CRMP1: variants seen among roughly 807,000 people sequenced by gnomAD.
CRMP1 encodes dihydropyrimidinase-related protein 1.
In CRMP1, 19 loss-of-function variants were observed where a neutral mutation model predicts 68.3. That is an observed-to-expected ratio of 0.28 (90% confidence interval 0.19 to 0.41). CRMP1 has a LOEUF of 0.41. Among genes scored for constraint, CRMP1 ranks in the 10% least tolerant of loss-of-function variants. The pLI is 1.00. For synonymous variants in CRMP1, 439 were observed against 399.6 expected, an observed-to-expected ratio of 1.10 and a Z score of -1.18; for missense variants, 791 against 967.4, an observed-to-expected ratio of 0.82 and a Z score of 2.42.
chr4:5,846,148 T>C (rs191968067), intron 6 of CRMP1, among the ~76,000 whole-genome samples: 5 of 151,994 alleles, frequency 3.3e-5, no homozygotes, highest in African/African-American at 1.2e-4. Context: ...ATACAAAAAT[T>C]AGCTAGGCGT....
At position 5,821,937 on chromosome 4, in the gene CRMP1, A is replaced by ACCCCAC; in HGVS notation, c.1970-87_1970-86insGTGGGG. 9.8e-7 allele frequency: 1 copy of ACCCCAC among 1,016,422 alleles called. No homozygotes were observed. The highest frequency in any genetic ancestry group is 1.7e-5 in the South Asian group (1 of 59,964). 63.0% of individuals were successfully genotyped at this position (1,016,422 alleles called of 1,614,324 possible). A position where few individuals can be genotyped will look rare whatever the true frequency, so the allele number is the denominator to read the frequency against. On this transcript the variant is annotated intron_variant, in intron 13 of 13. Coordinates refer to ENST00000324989, the MANE Select transcript of CRMP1 (RefSeq NM_001014809.3). The surrounding 1 kb of genome is among the most constrained non-coding windows in gnomAD (Gnocchi z 4.4). Reference sequence around the variant, plus strand: ...CTGGAGGCCATGTACTCTGCCATGCACTCCACTGGACCCACCTTCATTCAG... The same window carrying ACCCCAC: ...CTGGAGGCCATGTACTCTGCCATGCACCCCACCTCCACTGGACCCACCTTCATTCAG...
At chr4:5,826,454 G>A (rs944939315) in intron 12 of CRMP1, 1 of 152,622 alleles carries the variant, frequency 6.6e-6, no homozygotes, top group African/African-American at 2.4e-5. Context: ...ATGCTGTGGG[G>A]AGGACACCTC....
chr4:5,831,150 A>G (rs117676051), intron 11 of CRMP1, among the ~76,000 whole-genome samples: 1,661 of 151,902 alleles, frequency 0.011, 61 homozygotes, highest in Admixed American at 0.071. Flanking sequence ...GGGTCTCACT[A>G]TGTCACCCAG....
intron 1 of CRMP1, chr4:5,887,751 G>A (rs1470437850): frequency 2.0e-6 from 2 of 986,040 alleles, no homozygotes; most frequent in East Asian, 1.1e-4. Flanking sequence ...GGCGGGGAGT[G>A]GGGAGCGCTG....
rs2064767003 is a variant in CRMP1 at position 5,842,099 on chromosome 4, G to A, written c.1033-671C>T. Among the ~76,000 whole-genome samples, 1 of 152,194 alleles carries A rather than the reference G, an allele frequency of 6.6e-6. No homozygotes were observed. On this transcript the variant is annotated intron_variant, in intron 7 of 13. Transcript: ENST00000324989. The surrounding 1 kb of genome is among the most constrained non-coding windows in gnomAD (Gnocchi z 4.5). Reference sequence around the variant, plus strand: ...CTGAAAATACAAAAAATTAGCCAGTGTGGTGGCAGGTGCCTGTAGTCCCAG... The same window carrying A: ...CTGAAAATACAAAAAATTAGCCAGTATGGTGGCAGGTGCCTGTAGTCCCAG...
chr4:5,868,290 T>TATATATATAGATATATATATAG (rs1714174676), intron 1 of CRMP1, among the ~76,000 whole-genome samples: 1 of 131,396 alleles, frequency 7.6e-6, no homozygotes, highest in Admixed American at 7.3e-5. Flanking sequence ...TATATATATA[T>TATATATATAGATATATATATAG]ATATATATAT....
rs922213911 is a variant in CRMP1 at position 5,870,600 on chromosome 4, T to C, written c.382-3844A>G. ...GGTGACTGAACTGATTCTTGACAGA[T>C]GAATGGGTGAAGATGGAGAGAAAGG... On this transcript the variant is annotated intron_variant, in intron 1 of 13. Coordinates refer to ENST00000324989, the MANE Select transcript of CRMP1 (RefSeq NM_001014809.3). This position sits in a 1 kb window ranked among gnomAD's most constrained non-coding sequence, Gnocchi z 6.0. 1.3e-5 allele frequency among the ~76,000 whole-genome samples: 2 copies of C among 152,076 alleles called. No individual in the cohort carries two copies. Among genetic ancestry groups the C allele is most frequent in the Non-Finnish European group, 2.9e-5 (2 of 68,014 alleles).
intron 1 of CRMP1, among the ~76,000 whole-genome samples, chr4:5,876,621 A>T (rs1714853390): frequency 6.6e-6 from 1 of 152,212 alleles, no homozygotes; most frequent in African/African-American, 2.4e-5. Context: ...TTCTTTTAGA[A>T]CAAAGGAAAT....
In CRMP1 at chr4:5,860,563, A is replaced by C. The variant is rs1713470219; in HGVS notation, c.655+463T>G. On this transcript the variant is annotated intron_variant, in intron 3 of 13. Coordinates refer to ENST00000324989, the MANE Select transcript of CRMP1 (RefSeq NM_001014809.3). This position sits in a 1 kb window ranked among gnomAD's most constrained non-coding sequence, Gnocchi z 4.2. ...CACCTCTCTGAGCCTCTATTCTCCCATCTGTCACAATAATACCTATGTCAC... is the reference window on the plus strand; with the variant it reads ...CACCTCTCTGAGCCTCTATTCTCCCCTCTGTCACAATAATACCTATGTCAC... Among the ~76,000 whole-genome samples the C allele has an allele frequency of 6.6e-6, 1 of 151,664 alleles. No individual in the cohort carries two copies. Among genetic ancestry groups the C allele is most frequent in the Admixed American group, 6.6e-5 (1 of 15,246 alleles).
At position 5,843,008 on chromosome 4, in the gene CRMP1, G is replaced by C; in HGVS notation, c.1032+85C>G. 7.5e-7 allele frequency: 1 copy of C among 1,341,234 alleles called. No individual in the cohort carries two copies. The allele number at this position is 1,341,234 out of a possible 1,614,324, so 83.1% of individuals were successfully genotyped here. A position where few individuals can be genotyped will look rare whatever the true frequency, so the allele number is the denominator to read the frequency against. On this transcript the variant is annotated intron_variant, in intron 7 of 13. Transcript: ENST00000324989. This position sits in a 1 kb window ranked among gnomAD's most constrained non-coding sequence, Gnocchi z 4.1. The stretch of plus-strand genomic sequence containing the variant: ...AGGACACGGGAAGAGGCCGGGTCCT[G>C]GCTGGGCTACTCCAGCTGGAACAGC...
intron 1 of CRMP1, among the ~76,000 whole-genome samples, chr4:5,885,564 T>G (rs938442091): frequency 6.6e-6 from 1 of 152,138 alleles, no homozygotes; most frequent in African/African-American, 2.4e-5. Context: ...CGTCTTTCCT[T>G]CAGTTTCTCC....
Position 5,841,542 on chromosome 4 carries a change from G to T in CRMP1, c.1033-114C>A. The T allele has an allele frequency of 6.6e-7, 1 of 1,515,926 alleles. No homozygotes were observed. The highest frequency in any genetic ancestry group is 1.8e-5 in the Admixed American group (1 of 56,444). 93.9% of individuals were successfully genotyped at this position (1,515,926 alleles called of 1,614,324 possible). On this transcript the variant is annotated intron_variant, in intron 7 of 13. Transcript: ENST00000324989. The surrounding 1 kb of genome is among the most constrained non-coding windows in gnomAD (Gnocchi z 6.9). ...AAGGGAAATCTGCTCCATTGAATGA[G>T]AAGGACATACTGAGTCCAACAGCGC...
Position 5,892,607 on chromosome 4 carries a change from G to A in CRMP1, c.363C>T (p.Leu121=). ...AGGGTACCTGGCCATTGTCCCGGCC[G>A]AGGGGCAGGTCGCGGGGCGCGGGGC... ...IRRPAPRDLP[L]GRDNGQSDRL... Residue 121 remains leucine (L), a synonymous_variant, in exon 1 of 14, where the codon CTC becomes CTT. Coordinates refer to ENST00000324989, the MANE Select transcript of CRMP1 (RefSeq NM_001014809.3). This position sits in a 1 kb window ranked among gnomAD's most constrained non-coding sequence, Gnocchi z 8.6. 2 of 1,186,568 alleles carry A rather than the reference G, an allele frequency of 1.7e-6. No individual in the cohort carries two copies. Among genetic ancestry groups the A allele is most frequent in the South Asian group, 4.1e-5 (1 of 24,548 alleles). 73.5% of individuals were successfully genotyped at this position (1,186,568 alleles called of 1,614,324 possible). A position where few individuals can be genotyped will look rare whatever the true frequency, so the allele number is the denominator to read the frequency against.
At chr4:5,857,499 A>G (rs565053563) in intron 3 of CRMP1, among the ~76,000 whole-genome samples, 16 of 152,204 alleles carry the variant, frequency 1.1e-4, no homozygotes, top group African/African-American at 3.9e-4. Context: ...CATCATCACC[A>G]CCATTGTCAT....
At chr4:5,887,988 C>G (rs1304653516) in intron 1 of CRMP1, among the ~76,000 whole-genome samples, 1 of 151,974 alleles carries the variant, frequency 6.6e-6, no homozygotes, top group Non-Finnish European at 1.5e-5. Context: ...GCGGCAAGCC[C>G]GCGGGGAGAG....
chr4:5,849,785 C>G (rs1712489554), intron 5 of CRMP1, among the ~76,000 whole-genome samples: 1 of 152,130 alleles, frequency 6.6e-6, no homozygotes, highest in South Asian at 2.1e-4. Context: ...TTTGGGTTGG[C>G]TTTTTTGAAA....
chr4:5,861,273 C>A lies in CRMP1; in HGVS notation c.471-63G>T, dbSNP rs377170107. The A allele has an allele frequency of 6.6e-7, 1 of 1,508,508 alleles. No homozygotes were observed. Among genetic ancestry groups the A allele is most frequent in the Non-Finnish European group, 9.1e-7 (1 of 1,103,604 alleles). The allele number at this position is 1,508,508 out of a possible 1,614,324, so 93.4% of individuals were successfully genotyped here. On this transcript the variant is annotated intron_variant, in intron 2 of 13. Transcript: ENST00000324989. The surrounding 1 kb of genome is among the most constrained non-coding windows in gnomAD (Gnocchi z 6.0). ...GGAAAAGTAGAATGGGCAGTCAACC[C>A]GCAGCTTCAGTTCCATGAAATAAAC...
chr4:5,889,721 A>G lies in CRMP1; in HGVS notation c.381+2868T>C. ...CTTTTCTGCTTTCAAGTTGCCATCC[A>G]GAGCGAGGGTGGCCTAGGCTTGGTA... On this transcript the variant is annotated intron_variant, in intron 1 of 13. Coordinates refer to ENST00000324989, the MANE Select transcript of CRMP1 (RefSeq NM_001014809.3). The surrounding 1 kb of genome is among the most constrained non-coding windows in gnomAD (Gnocchi z 4.5). 6.5e-7 allele frequency: 1 copy of G among 1,535,866 alleles called. No homozygotes were observed.
chr4:5,825,931 C>T lies in CRMP1; in HGVS notation c.1804-272G>A. On this transcript the variant is annotated intron_variant, in intron 12 of 13. Coordinates refer to ENST00000324989, the MANE Select transcript of CRMP1 (RefSeq NM_001014809.3). This position sits in a 1 kb window ranked among gnomAD's most constrained non-coding sequence, Gnocchi z 4.4. ...CACACCACGCACACGCACTCACATA[C>T]ATGCAGTCATGCACACATATATGCA... 2.0e-6 allele frequency: 1 copy of T among 490,368 alleles called. No homozygotes were observed. The highest frequency in any genetic ancestry group is 2.6e-5 in the South Asian group (1 of 37,972). The allele number at this position is 490,368 out of a possible 1,614,324, so 30.4% of individuals were successfully genotyped here. A position where few individuals can be genotyped will look rare whatever the true frequency, so the allele number is the denominator to read the frequency against.
Sources: allele counts gnomAD v4.1 joint callset (sites outside exome capture counted in the v4.1 genomes callset), GRCh38; gene constraint gnomAD v4.1.1; non-coding constraint Gnocchi (gnomAD v3.1); transcripts MANE v1.5; gene names NCBI Gene and HGNC (gene_info 2026-07-23, HGNC 2026-07-21).